The following GALNTL6 variants were observed in gnomAD, a reference collection of about 807,000 sequenced individuals.
GALNTL6 encodes polypeptide N-acetylgalactosaminyltransferase like 6, also known as polypeptide N-acetylgalactosaminyltransferase-like 6.
In GALNTL6, 46 loss-of-function variants were observed where a neutral mutation model predicts 73.7. That is an observed-to-expected ratio of 0.62 (90% CI 0.49 to 0.80). The LOEUF (loss-of-function observed/expected upper bound fraction) is 0.80, where lower values mean the gene tolerates loss of function less well. Ranked by LOEUF, GALNTL6 falls within the 30% of genes least tolerant of loss-of-function variation. GALNTL6 has a pLI of 0.00. For missense variants in GALNTL6, 604 were observed against 755.0 expected (o/e 0.80, Z 2.34); for synonymous variants, 259 against 263.7 (o/e 0.98, Z 0.17).
intron 2 of GALNTL6, among the ~76,000 whole-genome samples, chr4:172,083,318 T>G (rs981454145): frequency 2.0e-5 from 3 of 152,142 alleles, no homozygotes; most frequent in Admixed American, 6.5e-5. Context: ...ACATATTAGA[T>G]CCTGTCATTT....
At chr4:172,442,309 G>A (rs1161332680) in intron 5 of GALNTL6, among the ~76,000 whole-genome samples, 1 of 152,212 alleles carries the variant, frequency 6.6e-6, no homozygotes, top group Non-Finnish European at 1.5e-5. Context: ...GATATTGCTG[G>A]TGATCATCTC....
intron 2 of GALNTL6, among the ~76,000 whole-genome samples, chr4:172,046,913 C>T (rs1467124280): frequency 6.6e-6 from 1 of 151,998 alleles, no homozygotes; most frequent in Non-Finnish European, 1.5e-5. Context: ...ATTGCAACCC[C>T]GACCATCTAC....
At chr4:172,559,211 C>T (rs1736259540) in intron 5 of GALNTL6, among the ~76,000 whole-genome samples, 2 of 151,480 alleles carry the variant, frequency 1.3e-5, no homozygotes, top group South Asian at 4.2e-4. Flanking sequence ...ACCACAGGCA[C>T]CCGCCACCAC....
At chr4:172,026,659 C>T (rs561352799) in intron 2 of GALNTL6, among the ~76,000 whole-genome samples, 3 of 152,056 alleles carry the variant, frequency 2.0e-5, no homozygotes, top group Non-Finnish European at 4.4e-5. Context: ...ACATTAGGCT[C>T]ATGTTTCATT....
At chr4:171,885,141 A>G (rs889186051) in intron 2 of GALNTL6, among the ~76,000 whole-genome samples, 2 of 151,978 alleles carry the variant, frequency 1.3e-5, no homozygotes, top group African/African-American at 4.8e-5. Flanking sequence ...ACCCTTGTGT[A>G]TAATTACATG....
chr4:172,578,181 T>C (rs1165746404), intron 5 of GALNTL6, among the ~76,000 whole-genome samples: 1 of 152,232 alleles, frequency 6.6e-6, no homozygotes, highest in Non-Finnish European at 1.5e-5. Flanking sequence ...TAGAATGGCT[T>C]ATTTTTATCT....
chr4:172,265,407 A>G (rs914923045), intron 3 of GALNTL6, among the ~76,000 whole-genome samples: 8 of 152,118 alleles, frequency 5.3e-5, no homozygotes, highest in Non-Finnish European at 1.2e-4. Context: ...TGAGAGCCTA[A>G]GGTAAAAAAT....
chr4:172,755,240 A>AGATAGATAGATAGAT (rs1553984932), intron 5 of GALNTL6, among the ~76,000 whole-genome samples: 2 of 150,498 alleles, frequency 1.3e-5, no homozygotes, highest in African/African-American at 2.5e-5. Context: ...TGACAGATAT[A>AGATAGATAGATAGAT]GATAGATAGA....
Position 172,608,622 on chromosome 4 carries a change from CT to C in GALNTL6, c.554-200731del, listed in dbSNP as rs138227359. Among the ~76,000 whole-genome samples the C allele has an allele frequency of 3.6e-4, 54 of 151,392 alleles. No individual in the cohort carries two copies. The East Asian group carries it at 5.4e-3, about 15-fold the overall frequency. ...TGCTTTGGCTATTTGGGATTTTTCT[CT>C]TTTTTTTGGTTTTATATGAATTTTG... On this transcript the variant is annotated intron_variant, in intron 5 of 12. Coordinates refer to ENST00000506823, the MANE Select transcript of GALNTL6 (RefSeq NM_001034845.3).
chr4:171,924,869 G>C (rs1436020183), intron 2 of GALNTL6, among the ~76,000 whole-genome samples: 1 of 152,088 alleles, frequency 6.6e-6, no homozygotes, highest in Non-Finnish European at 1.5e-5. Flanking sequence ...ACCCACACTT[G>C]GGAGGAGACG....
chr4:172,116,901 C>T (rs1375674858), intron 2 of GALNTL6, among the ~76,000 whole-genome samples: 2 of 151,972 alleles, frequency 1.3e-5, no homozygotes, highest in South Asian at 2.1e-4. Context: ...TAAAGAAATA[C>T]AACACAATTT....
At chr4:172,791,958 C>G (rs1459220905) in intron 5 of GALNTL6, among the ~76,000 whole-genome samples, 1 of 152,210 alleles carries the variant, frequency 6.6e-6, no homozygotes, top group Non-Finnish European at 1.5e-5. Context: ...GAAACCATAA[C>G]AAGCTCCTAA....
chr4:171,901,092 G>C (rs1455954527), intron 2 of GALNTL6, among the ~76,000 whole-genome samples: 1 of 152,104 alleles, frequency 6.6e-6, no homozygotes, highest in Admixed American at 6.6e-5. Context: ...TAAAGTTGGG[G>C]CCAAGAGAAC....
intron 10 of GALNTL6, among the ~76,000 whole-genome samples, chr4:172,981,795 T>TA (rs1751074162): frequency 1.5e-5 from 2 of 135,044 alleles, no homozygotes; most frequent in Admixed American, 1.6e-4. Flanking sequence ...AGTATGAACG[T>TA]CTTTTTTTTT....
chr4:173,002,327 G>C (rs924420687), intron 10 of GALNTL6, among the ~76,000 whole-genome samples: 21 of 151,520 alleles, frequency 1.4e-4, no homozygotes, highest in African/African-American at 4.8e-4. Flanking sequence ...GAGGTGGAGA[G>C]TACAGTGAGC....
intron 5 of GALNTL6, among the ~76,000 whole-genome samples, chr4:172,526,904 T>C (rs779953634): frequency 9.9e-4 from 141 of 142,914 alleles, no homozygotes; most frequent in East Asian, 6.8e-4. Context: ...AGGAGTGACA[T>C]TTGGCTTCGC....
intron 5 of GALNTL6, among the ~76,000 whole-genome samples, chr4:172,357,751 TA>T (rs1389913369): frequency 6.6e-6 from 1 of 152,016 alleles, no homozygotes; most frequent in Non-Finnish European, 1.5e-5. Flanking sequence ...TGTAGTTCTG[TA>T]AAGAACTGCT....
chr4:171,923,391 T>C (rs983532426), intron 2 of GALNTL6, among the ~76,000 whole-genome samples: 3 of 137,912 alleles, frequency 2.2e-5, no homozygotes, highest in Non-Finnish European at 4.5e-5. Context: ...CTGTTGACCC[T>C]GACTTTGTTT....
intron 5 of GALNTL6, among the ~76,000 whole-genome samples, chr4:172,781,815 A>G (rs542040969): frequency 1.6e-4 from 25 of 151,912 alleles, no homozygotes; most frequent in Non-Finnish European, 2.5e-4. Context: ...TTTTTACCCT[A>G]TATACTTTGG....
Sources: gnomAD v4.1 joint callset for allele counts (sites outside exome capture counted in the v4.1 genomes callset) on GRCh38, gnomAD v4.1.1 for gene constraint, MANE v1.5 for transcripts, NCBI Gene and HGNC (gene_info 2026-07-23, HGNC 2026-07-21) for gene names.